RSF1: variants seen among roughly 807,000 people sequenced by gnomAD.
RSF1 encodes the protein remodeling and spacing factor 1, also known as HBV pX-associated protein 8.
RSF1 carries 13 observed loss-of-function variants against 145.2 expected under a neutral mutation model. The observed-to-expected ratio is 0.09, with a 90% CI of 0.06 to 0.14. The LOEUF (loss-of-function observed/expected upper bound fraction) is 0.14. Ranked by LOEUF, RSF1 falls within the 10% of genes least tolerant of loss-of-function variation. The pLI is 1.00. For missense variants in RSF1, 1,517 were observed against 1,718.2 expected (o/e 0.88, Z 2.07); for synonymous variants, 577 against 592.6 (o/e 0.97, Z 0.38).
At chr11:77,732,881 C>G (rs1284303111) in intron 4 of RSF1, among the ~76,000 whole-genome samples, 2 of 152,166 alleles carry the variant, frequency 1.3e-5, no homozygotes, top group African/African-American at 4.8e-5. Flanking sequence ...TTTATTAATT[C>G]TAGAACTTAT....
At chr11:77,738,476 C>T (rs533458330) in intron 4 of RSF1, among the ~76,000 whole-genome samples, 1 of 152,264 alleles carries the variant, frequency 6.6e-6, no homozygotes, top group South Asian at 2.1e-4. Context: ...AGGTTATACA[C>T]AAATATTATG....
chr11:77,676,856 C>G lies in RSF1; in HGVS notation c.3277G>C (p.Asp1093His). Reference sequence around the variant, plus strand: ...TCCAGGTTGCTATCACTGTCCAGATCATTTAATCGCCGGCGTTTCTTCCTT... The same window carrying G: ...TCCAGGTTGCTATCACTGTCCAGATGATTTAATCGCCGGCGTTTCTTCCTT... ...ARRKKRRRLN[D>H]LDSDSNLDEE... Residue 1093 changes from aspartate to histidine, a missense_variant, in exon 13 of 16, where the codon GAT becomes CAT. Asp to His is a moderately conservative substitution (Grantham distance 81). Transcript: ENST00000308488. 1 of 1,614,086 alleles carries G rather than the reference C, an allele frequency of 6.2e-7. No homozygotes were observed. Among genetic ancestry groups the G allele is most frequent in the Non-Finnish European group, 8.5e-7 (1 of 1,179,992 alleles).
At chr11:77,730,793 T>C (rs1447728853) in intron 4 of RSF1, among the ~76,000 whole-genome samples, 1 of 152,224 alleles carries the variant, frequency 6.6e-6, no homozygotes, top group Admixed American at 6.5e-5. Context: ...TTTCTTTTCC[T>C]GCCGCCATTG....
chr11:77,740,366 A>G (rs1480306343), intron 4 of RSF1, among the ~76,000 whole-genome samples: 2 of 152,182 alleles, frequency 1.3e-5, no homozygotes, highest in Non-Finnish European at 2.9e-5. Context: ...CAAGAGCGAA[A>G]CTCCGTTTAA....
At position 77,764,680 on chromosome 11, in the gene RSF1, T is replaced by C. The variant is rs759963151; in HGVS notation, c.197A>G (p.Glu66Gly). 6 of 1,595,708 alleles carry C rather than the reference T, an allele frequency of 3.8e-6. No homozygotes were observed. The highest frequency in any genetic ancestry group is 5.1e-6 in the Non-Finnish European group (6 of 1,168,508). Residue 66 changes from glutamate to glycine, a missense_variant, in exon 2 of 16, where the codon GAA becomes GGA. Transcript: ENST00000308488. ...CAGCTTCAAATGGAGCTCCACCAAT[T>C]CTTTTGGTACTTAAAAGAAAGAAAA... ...PDVGNGEVPK[E>G]LVELHLKLMR...
chr11:77,834,689 ACAGACGTGAGCCAC>A, the RSF1 span, among the ~76,000 whole-genome samples: 2 of 152,170 alleles, frequency 1.3e-5, no homozygotes, highest in African/African-American at 2.4e-5. Flanking sequence ...TTCTGGGATT[ACAGACGTGAGCCAC>A]TGCGCCTGGC....
At position 77,667,000 on chromosome 11, in the gene RSF1, C is replaced by G; in HGVS notation, c.4243G>C (p.Ala1415Pro). The part of the protein sequence containing the change: ...ASNGTSGGQE[A>P]GAPEEEEDEL... ...TCTTCCTCCTCTTCTGGTGCTCCTG[C>G]CTCCTGCCCACCACTTGTCCCATTG... is the stretch of plus-strand genomic sequence containing the variant. The change falls in exon 16 of 16, where the codon GCA (alanine) becomes CCA (proline). Residue 1415 changes from alanine to proline, a missense_variant. Ala to Pro is a conservative substitution (Grantham distance 27). Transcript: ENST00000308488. 2.5e-6 allele frequency: 4 copies of G among 1,612,020 alleles called. No individual in the cohort carries two copies. Among genetic ancestry groups the G allele is most frequent in the Non-Finnish European group, 3.4e-6 (4 of 1,178,254 alleles).
At chr11:77,745,883 C>T (rs1590864032) in intron 3 of RSF1, among the ~76,000 whole-genome samples, 1 of 151,824 alleles carries the variant, frequency 6.6e-6, no homozygotes, top group Non-Finnish European at 1.5e-5. Context: ...CATTTTTGAT[C>T]AAGCATCCTT....
intron 5 of RSF1, among the ~76,000 whole-genome samples, chr11:77,712,374 C>T (rs373379930): frequency 4.0e-4 from 61 of 152,192 alleles, no homozygotes; most frequent in Admixed American, 1.6e-3. Context: ...ACTGTGAGTC[C>T]ATTAAACTTC....
At position 77,666,511 on chromosome 11, in the gene RSF1, A is replaced by G. The variant is rs1416955260; in HGVS notation, c.*406T>C. The G allele has an allele frequency of 6.5e-6, 1 of 153,576 alleles. No individual in the cohort carries two copies. Among genetic ancestry groups the G allele is most frequent in the East Asian group, 1.9e-4 (1 of 5,234 alleles). The allele number at this position is 153,576 out of a possible 1,614,324, so 9.5% of individuals were successfully genotyped here. ...AATATATATTTAATATGAAAAAGCTAAAGCACAAGTGCTTTCACCCACCCC... is the reference window on the plus strand; with the variant it reads ...AATATATATTTAATATGAAAAAGCTGAAGCACAAGTGCTTTCACCCACCCC... On this transcript the variant is annotated 3_prime_UTR_variant, in exon 16 of 16. Transcript: ENST00000308488.
At chr11:77,814,344 T>A (rs1024285334) in intron 1 of RSF1, among the ~76,000 whole-genome samples, 2 of 151,886 alleles carry the variant, frequency 1.3e-5, no homozygotes, top group African/African-American at 2.4e-5. Flanking sequence ...ACCAAAAAAA[T>A]TTTTAAAAAT....
chr11:77,784,948 C>A (rs1745823041), intron 1 of RSF1, among the ~76,000 whole-genome samples: 1 of 152,230 alleles, frequency 6.6e-6, no homozygotes, highest in Non-Finnish European at 1.5e-5. Context: ...ATTCTGTCTT[C>A]TGCATAGCCC....
intron 2 of RSF1, among the ~76,000 whole-genome samples, chr11:77,757,251 G>T (rs1322729179): frequency 6.6e-6 from 1 of 152,170 alleles, no homozygotes; most frequent in East Asian, 1.9e-4. Flanking sequence ...CTAGCATAAA[G>T]CCCTGGCATA....
chr11:77,662,366 TC>T lies in RSF1; in HGVS notation c.*4550del, dbSNP rs1349094753. The T allele has an allele frequency of 6.6e-6, 1 of 152,134 alleles. No individual in the cohort carries two copies. Among genetic ancestry groups the T allele is most frequent in the Non-Finnish European group, 1.5e-5 (1 of 67,996 alleles). The allele number at this position is 152,134 out of a possible 1,614,324, so 9.4% of individuals were successfully genotyped here. A position where few individuals can be genotyped will look rare whatever the true frequency, so the allele number is the denominator to read the frequency against. ...GAAAAAAGGTCCACAAATTGGATCCTCTTCTAATCGACTTCCAGGAGGGTTT... is the reference window on the plus strand; with the variant it reads ...GAAAAAAGGTCCACAAATTGGATCCTTTCTAATCGACTTCCAGGAGGGTTT... On this transcript the variant is annotated 3_prime_UTR_variant, in exon 16 of 16. Transcript: ENST00000308488.
the RSF1 span, among the ~76,000 whole-genome samples, chr11:77,868,149 A>G: frequency 6.8e-6 from 1 of 146,288 alleles, no homozygotes; most frequent in Non-Finnish European, 1.5e-5. Context: ...TCTGCCTCCC[A>G]GGTTCACGCC....
At chr11:77,804,746 T>C (rs1948660659) in intron 1 of RSF1, among the ~76,000 whole-genome samples, 1 of 152,182 alleles carries the variant, frequency 6.6e-6, no homozygotes, top group African/African-American at 2.4e-5. Context: ...GGTGGAAGGA[T>C]AGCTTGAGCT....
chr11:77,677,693 A>G (rs917480824), intron 12 of RSF1, among the ~76,000 whole-genome samples: 3 of 152,170 alleles, frequency 2.0e-5, no homozygotes, highest in Non-Finnish European at 4.4e-5. Flanking sequence ...TAAGAAACCA[A>G]TTTTTAATAG....
intron 5 of RSF1, among the ~76,000 whole-genome samples, chr11:77,712,971 G>A (rs1199388618): frequency 6.6e-6 from 1 of 152,036 alleles, no homozygotes; most frequent in East Asian, 1.9e-4. Context: ...GGCTCATCTT[G>A]TGTTTTCCCT....
intron 1 of RSF1, chr11:77,813,742 AGGAGCCTGC>A (rs1316875402): frequency 6.1e-6 from 2 of 327,446 alleles, no homozygotes; most frequent in South Asian, 2.9e-5. Flanking sequence ...AGTAAGGAGC[AGGAGCCTGC>A]GGATCACAGA....
Sources: gnomAD v4.1 joint callset for allele counts (sites outside exome capture counted in the v4.1 genomes callset) on GRCh38, gnomAD v4.1.1 for gene constraint, MANE v1.5 for transcripts, NCBI Gene and HGNC (gene_info 2026-07-23, HGNC 2026-07-21) for gene names.